The following PITPNA variants were observed in gnomAD, a reference collection of about 807,000 sequenced individuals.
PITPNA encodes phosphatidylinositol transfer protein alpha, also known as phosphatidylinositol transfer protein alpha isoform.
A neutral mutation model predicts 50.3 loss-of-function variants in PITPNA; 13 were observed. That is an observed-to-expected ratio of 0.26 (90% CI 0.17 to 0.41). PITPNA has a LOEUF of 0.41. PITPNA is among the 10% of genes least tolerant of loss of function. PITPNA has a pLI of 1.00. For missense variants in PITPNA, 207 were observed against 333.4 expected (o/e 0.62, Z 2.95); for synonymous variants, 120 against 119.6 (o/e 1.00, Z -0.02).
intron 7 of PITPNA, among the ~76,000 whole-genome samples, chr17:1,536,831 G>A (rs1166949107): frequency 6.6e-6 from 1 of 150,820 alleles, no homozygotes; most frequent in Non-Finnish European, 1.5e-5. Context: ...GACCTCAGGT[G>A]ATCCACATGC....
intron 10 of PITPNA, among the ~76,000 whole-genome samples, chr17:1,530,710 TA>T (rs144417340): frequency 0.044 from 6,764 of 152,202 alleles, 520 homozygotes; most frequent in African/African-American, 0.15. Context: ...TAAAGGAATT[TA>T]AAAAGATAAA....
intron 8 of PITPNA, 24 bp downstream of exon 8, chr17:1,535,415 CCT>C (rs759128400): frequency 1.3e-6 from 2 of 1,589,486 alleles, no homozygotes; most frequent in Non-Finnish European, 1.7e-6. Context: ...TGCCCAGCCC[CCT>C]GGCAGTGAAG....
intron 2 of PITPNA, among the ~76,000 whole-genome samples, chr17:1,554,889 T>C (rs1324052276): frequency 6.6e-6 from 1 of 152,172 alleles, no homozygotes; most frequent in Non-Finnish European, 1.5e-5. Flanking sequence ...ACCTTGACCT[T>C]GCTAATCCTA....
chr17:1,528,935 C>A (rs991838835), intron 10 of PITPNA, among the ~76,000 whole-genome samples: 7 of 150,974 alleles, frequency 4.6e-5, no homozygotes, highest in Admixed American at 3.3e-4. Flanking sequence ...GTCAGGAGTT[C>A]AAGACCATCC....
At chr17:1,532,668 C>A (rs539108238) in intron 10 of PITPNA, among the ~76,000 whole-genome samples, 1 of 152,258 alleles carries the variant, frequency 6.6e-6, no homozygotes, top group African/African-American at 2.4e-5. Flanking sequence ...TAACATTTTC[C>A]CTTTCTTTTT....
chr17:1,528,753 GA>G (rs1336217235), intron 10 of PITPNA, among the ~76,000 whole-genome samples: 1 of 149,582 alleles, frequency 6.7e-6, no homozygotes, highest in Non-Finnish European at 1.5e-5. Context: ...AAAAAAAAAA[GA>G]AAAGAAAACA....
chr17:1,535,133 C>G (rs763992044), intron 9 of PITPNA, 49 bp downstream of exon 9: 28 of 1,178,830 alleles, frequency 2.4e-5, no homozygotes, highest in Admixed American at 8.7e-5. Context: ...ACCACCCCCC[C>G]ACAACACACA....
intron 10 of PITPNA, among the ~76,000 whole-genome samples, chr17:1,524,493 C>T (rs532180305): frequency 1.3e-5 from 2 of 152,104 alleles, no homozygotes; most frequent in African/African-American, 2.4e-5. Flanking sequence ...CTCCTGGACT[C>T]GAGCAATCCA....
chr17:1,522,889 G>A (rs1300826844), intron 10 of PITPNA, among the ~76,000 whole-genome samples: 1 of 152,248 alleles, frequency 6.6e-6, no homozygotes, highest in African/African-American at 2.4e-5. Flanking sequence ...GCTTGTATGT[G>A]AGGTTTGAGA....
chr17:1,554,239 T>G (rs1029600478), intron 2 of PITPNA, among the ~76,000 whole-genome samples: 1 of 151,984 alleles, frequency 6.6e-6, no homozygotes, highest in Non-Finnish European at 1.5e-5. Flanking sequence ...CTGCCGGTGC[T>G]AATCAGGCAT....
chr17:1,542,097 G>A (rs1277703242), intron 5 of PITPNA, among the ~76,000 whole-genome samples: 2 of 152,032 alleles, frequency 1.3e-5, no homozygotes, highest in Non-Finnish European at 2.9e-5. Flanking sequence ...CTACTCGGGA[G>A]GCTGAGGCAG....
intron 2 of PITPNA, 84 bp from the exon 3 acceptor site, chr17:1,553,233 T>G (rs534247399): frequency 2.1e-4 from 301 of 1,454,764 alleles, no homozygotes; most frequent in Non-Finnish European, 2.8e-4. Flanking sequence ...AGTGTCTAAC[T>G]GGATCTCCCT....
intron 7 of PITPNA, among the ~76,000 whole-genome samples, chr17:1,538,123 G>T (rs1013421912): frequency 1.3e-5 from 2 of 152,166 alleles, no homozygotes; most frequent in African/African-American, 4.8e-5. Flanking sequence ...AGTGCAGAGT[G>T]ACCACAGGAA....
Position 1,538,856 on chromosome 17 carries a change from A to G in PITPNA, c.456+13T>C. The G allele has an allele frequency of 6.3e-7, 1 of 1,593,722 alleles. No homozygotes were observed. Among genetic ancestry groups the G allele is most frequent in the Non-Finnish European group, 8.6e-7 (1 of 1,161,952 alleles). On this transcript the variant is annotated intron_variant, in intron 7 of 11. Coordinates refer to ENST00000313486, the MANE Select transcript of PITPNA (RefSeq NM_006224.4). ...CGTCTCGAAGGCCACCCACGTCTTTAAACGGATCCTACCTTGCTGAGCACT... is the reference window on the plus strand; with the variant it reads ...CGTCTCGAAGGCCACCCACGTCTTTGAACGGATCCTACCTTGCTGAGCACT...
In PITPNA at chr17:1,553,155, G is replaced by T. The variant is rs1235316053; in HGVS notation, c.52-6C>A. Reference sequence around the variant, plus strand: ...TACAGCTGCCCCACTTGATACTAAAGGACAGAGACAGATGTTATTCTCAAC... The same window carrying T: ...TACAGCTGCCCCACTTGATACTAAATGACAGAGACAGATGTTATTCTCAAC... On this transcript the variant is annotated splice_region_variant and splice_polypyrimidine_tract_variant and intron_variant, in intron 2 of 11. Coordinates refer to ENST00000313486, the MANE Select transcript of PITPNA (RefSeq NM_006224.4). 2 of 1,613,626 alleles carry T rather than the reference G, an allele frequency of 1.2e-6. No individual in the cohort carries two copies. The highest frequency in any genetic ancestry group is 1.7e-5 in the Admixed American group (1 of 59,986).
intron 10 of PITPNA, among the ~76,000 whole-genome samples, chr17:1,529,155 A>AAAGAGAGAG (rs1555530754): frequency 2.8e-4 from 30 of 106,632 alleles, no homozygotes; most frequent in East Asian, 2.3e-3. Context: ...AAAAAAAAAA[A>AAAGAGAGAG]AGAGAGAGAG....
At chr17:1,536,921 TAG>T (rs1297311466) in intron 7 of PITPNA, among the ~76,000 whole-genome samples, 3 of 128,276 alleles carry the variant, frequency 2.3e-5, no homozygotes, top group East Asian at 2.5e-4. Flanking sequence ...TTTTTTCAGA[TAG>T]AGTTTCGCTC....
At chr17:1,557,000 C>T (rs1021974120) in intron 2 of PITPNA, among the ~76,000 whole-genome samples, 9 of 152,094 alleles carry the variant, frequency 5.9e-5, no homozygotes, top group Non-Finnish European at 7.4e-5. Flanking sequence ...GTTAACAAGA[C>T]CCTTCCAAGC....
chr17:1,558,607 C>T (rs933089609), intron 1 of PITPNA, 48 bp from the exon 2 acceptor site: 8 of 1,344,280 alleles, frequency 6.0e-6, no homozygotes, highest in Non-Finnish European at 8.5e-6. Context: ...GTGCAATCTG[C>T]TCAAGGCTCT....
Sources: allele counts gnomAD v4.1 joint callset (sites outside exome capture counted in the v4.1 genomes callset), GRCh38; gene constraint gnomAD v4.1.1; transcripts MANE v1.5; gene names NCBI Gene and HGNC (gene_info 2026-07-23, HGNC 2026-07-21).